The following BRD1 variants were observed in gnomAD, a reference collection of about 807,000 sequenced individuals.
BRD1 encodes bromodomain-containing protein 1.
Under a neutral mutation model 107.7 loss-of-function variants are expected in BRD1, and 24 were observed. The observed-to-expected ratio is 0.22, with a 90% CI of 0.16 to 0.31. BRD1 has a LOEUF of 0.31. Among genes scored for constraint, BRD1 ranks in the 10% least tolerant of loss-of-function variants. The probability of loss-of-function intolerance (pLI) is 1.00; values close to 1 mark genes in which losing one functional copy is unlikely to be tolerated. For missense variants in BRD1, 1,279 were observed against 1,638.6 expected (o/e 0.78, Z 3.79); for synonymous variants, 744 against 686.1 (o/e 1.08, Z -1.32).
intron 2 of BRD1, among the ~76,000 whole-genome samples, 170 bp from the exon 3 acceptor site, chr22:49,804,530 C>T (rs919482047): frequency 3.9e-5 from 6 of 152,208 alleles, no homozygotes; most frequent in Admixed American, 2.0e-4. Context: ...ACAAAATTCA[C>T]GATCTCCAAC....
intron 2 of BRD1, among the ~76,000 whole-genome samples, chr22:49,816,201 G>T (rs763484142): frequency 7.2e-5 from 11 of 152,316 alleles, no homozygotes; most frequent in Non-Finnish European, 1.0e-4. Context: ...CAAGCCAAAG[G>T]GGGCCGCGGC....
intron 2 of BRD1, among the ~76,000 whole-genome samples, chr22:49,807,683 G>T (rs2059771206): frequency 6.6e-6 from 1 of 152,198 alleles, no homozygotes; most frequent in Non-Finnish European, 1.5e-5. Context: ...AAAGCTTCAT[G>T]ACACTGGATT....
At chr22:49,802,717 A>G (rs1005935341) in intron 3 of BRD1, among the ~76,000 whole-genome samples, 3 of 152,128 alleles carry the variant, frequency 2.0e-5, no homozygotes, top group Non-Finnish European at 4.4e-5. Flanking sequence ...CAATGCCTCC[A>G]GCCCCCAGAG....
At chr22:49,814,644 A>G (rs2059915998) in intron 2 of BRD1, among the ~76,000 whole-genome samples, 1 of 152,144 alleles carries the variant, frequency 6.6e-6, no homozygotes, top group Non-Finnish European at 1.5e-5. Context: ...TATTTTGTAA[A>G]TTTGAAGTTA....
Position 49,794,401 on chromosome 22 carries a change from G to A in BRD1, c.2099-107C>T, listed in dbSNP as rs1340760390. 5.5e-6 allele frequency: 8 copies of A among 1,447,242 alleles called. No individual in the cohort carries two copies. The African/African-American group carries it at 1.1e-4, about 20-fold the overall frequency. 89.7% of individuals were successfully genotyped at this position (1,447,242 alleles called of 1,614,324 possible). ...ACCTTCGGCCAAGGCCCTGAGAGTG[G>A]CTGTTAGCAACGAGGCCCAGGCCCT... is the stretch of plus-strand genomic sequence containing the variant. On this transcript the variant is annotated intron_variant, in intron 6 of 12. Transcript: ENST00000404760.
At chr22:49,779,637 G>A (rs1220122267) in intron 8 of BRD1, among the ~76,000 whole-genome samples, 1 of 152,150 alleles carries the variant, frequency 6.6e-6, no homozygotes, top group Non-Finnish European at 1.5e-5. Context: ...GCCACACGCT[G>A]AGCTGCCCTG....
rs1010847823 is a variant in BRD1, at chr22:49,824,106, C to CTCA, written c.209_211dup (p.Met70dup). 9 of 1,613,926 alleles carry CTCA rather than the reference C, an allele frequency of 5.6e-6. No homozygotes were observed. ...GTTTTCCTTGTTGCTGTTGCACTCA[C>CTCA]TCATCTCTTGAGCAGTGAGGTCATC... On this transcript the variant is annotated inframe_insertion, in exon 2 of 13. Coordinates refer to ENST00000404760, the MANE Select transcript of BRD1 (RefSeq NM_001304808.3). The surrounding 1 kb of genome is among the most constrained non-coding windows in gnomAD (Gnocchi z 5.9).
chr22:49,818,268 T>C (rs1305695466), intron 2 of BRD1: 2 of 1,273,714 alleles, frequency 1.6e-6, no homozygotes, highest in Admixed American at 2.4e-5. Flanking sequence ...GCTCTCGTAG[T>C]AGAGGAGCTC....
At chr22:49,793,333 G>C (rs937523162) in intron 7 of BRD1, among the ~76,000 whole-genome samples, 1 of 152,188 alleles carries the variant, frequency 6.6e-6, no homozygotes, top group Non-Finnish European at 1.5e-5. Context: ...ACCATGCCAA[G>C]CCTGCATTTG....
chr22:49,784,151 T>TC (rs777306483), intron 8 of BRD1, among the ~76,000 whole-genome samples: 91 of 118,398 alleles, frequency 7.7e-4, no homozygotes, highest in Non-Finnish European at 1.2e-3. Flanking sequence ...GACAAAGACA[T>TC]CCCCACACTC....
chr22:49,819,731 G>A (rs1198363203), intron 2 of BRD1, among the ~76,000 whole-genome samples: 3 of 151,764 alleles, frequency 2.0e-5, no homozygotes, highest in Non-Finnish European at 4.4e-5. Context: ...TTACAGGTGT[G>A]AGCCACACAC....
rs1244739002 is a variant in BRD1 at position 49,803,067 on chromosome 22, G to A, written c.1524+1137C>T. Among the ~76,000 whole-genome samples the A allele has an allele frequency of 2.0e-5, 3 of 152,178 alleles. No individual in the cohort carries two copies. The highest frequency in any genetic ancestry group is 4.8e-5 in the African/African-American group (2 of 41,446). On this transcript the variant is annotated intron_variant, in intron 3 of 12. Coordinates refer to ENST00000404760, the MANE Select transcript of BRD1 (RefSeq NM_001304808.3). This position sits in a 1 kb window ranked among gnomAD's most constrained non-coding sequence, Gnocchi z 4.4. ...TCCACAGCCAAGACGCACCAAGGCCGTCAGAAAACTTTGGACCCCACCACA... is the reference window on the plus strand; with the variant it reads ...TCCACAGCCAAGACGCACCAAGGCCATCAGAAAACTTTGGACCCCACCACA...
chr22:49,798,801 T>C lies in BRD1; in HGVS notation c.1657-115A>G, dbSNP rs552549278. 3.3e-4 allele frequency: 481 copies of C among 1,444,066 alleles called. 1 individual carries two copies. In the African/African-American group the frequency reaches 5.8e-3, roughly 17 times the overall value. The allele number at this position is 1,444,066 out of a possible 1,614,324, so 89.5% of individuals were successfully genotyped here. ...AGGCTCCTGTGCTTCCGTCCAGGCA[T>C]AGGACAACGCAGCCTCCACTTAGGG... On this transcript the variant is annotated intron_variant, in intron 4 of 12. Transcript: ENST00000404760.
At chr22:49,784,531 C>G (rs887892516) in intron 8 of BRD1, among the ~76,000 whole-genome samples, 1 of 152,238 alleles carries the variant, frequency 6.6e-6, no homozygotes, top group Non-Finnish European at 1.5e-5. Context: ...GCGGGCGACA[C>G]GGGCAGGAGG....
chr22:49,776,164 GGA>G lies in BRD1; in HGVS notation c.3122-7_3122-6del, dbSNP rs1249298181. The G allele has an allele frequency of 1.9e-6, 3 of 1,602,208 alleles. No homozygotes were observed. In the African/African-American group the frequency reaches 4.0e-5, roughly 21 times the overall value. ...ACATGCTGCTCTGGCCGACTTCTGC[GGA>G]GAGGGGCGTCAGCAGGACACAGGCG... On this transcript the variant is annotated splice_polypyrimidine_tract_variant and splice_region_variant and intron_variant, in intron 10 of 12. Transcript: ENST00000404760.
chr22:49,774,937 C>A (rs139532022), intron 12 of BRD1, among the ~76,000 whole-genome samples: 2 of 152,242 alleles, frequency 1.3e-5, no homozygotes, highest in African/African-American at 4.8e-5. Flanking sequence ...CGAGCCCCTG[C>A]GCCAGGTCCC....
intron 1 of BRD1, chr22:49,826,380 C>G (rs1444384761): frequency 1.4e-5 from 6 of 428,058 alleles, no homozygotes; most frequent in Admixed American, 6.4e-5. Flanking sequence ...GGCAGGGCGA[C>G]CCACGACCTC....
rs935715984 is a variant in BRD1 at position 49,774,084 on chromosome 22, A to G, written c.*149T>C. On this transcript the variant is annotated 3_prime_UTR_variant, in exon 13 of 13. Transcript: ENST00000404760. Reference sequence around the variant, plus strand: ...CGCCCAGACGGAGATGGGTTCCTAGAAAACTTGGAAATAAAACCTCCCCCC... The same window carrying G: ...CGCCCAGACGGAGATGGGTTCCTAGGAAACTTGGAAATAAAACCTCCCCCC... 8 of 1,152,906 alleles carry G rather than the reference A, an allele frequency of 6.9e-6. No individual in the cohort carries two copies. The highest frequency in any genetic ancestry group is 9.5e-6 in the Non-Finnish European group (8 of 842,570). 71.4% of individuals were successfully genotyped at this position (1,152,906 alleles called of 1,614,324 possible). A position where few individuals can be genotyped will look rare whatever the true frequency, so the allele number is the denominator to read the frequency against.
chr22:49,781,840 G>T (rs560959527), intron 8 of BRD1, among the ~76,000 whole-genome samples: 4 of 152,286 alleles, frequency 2.6e-5, no homozygotes, highest in Non-Finnish European at 2.9e-5. Flanking sequence ...AAACACACAC[G>T]GAAGAAGATT....
Sources: allele counts gnomAD v4.1 joint callset (sites outside exome capture counted in the v4.1 genomes callset), GRCh38; gene constraint gnomAD v4.1.1; non-coding constraint Gnocchi (gnomAD v3.1); transcripts MANE v1.5; gene names NCBI Gene and HGNC (gene_info 2026-07-23, HGNC 2026-07-21).